The following CC2D1B variants were observed in gnomAD, a reference collection of about 807,000 sequenced individuals.
CC2D1B encodes the protein coiled-coil and C2 domain-containing protein 1B.
Under a neutral mutation model 110.8 loss-of-function variants are expected in CC2D1B, and 92 were observed. That is an observed-to-expected ratio of 0.83 (90% CI 0.70 to 0.99). The LOEUF is 0.99. CC2D1B is among the 50% of genes least tolerant of loss of function. CC2D1B has a pLI of 0.00. For synonymous variants in CC2D1B, 406 were observed against 429.2 expected, an observed-to-expected ratio of 0.95 and a Z score of 0.67; for missense variants, 1,136 against 1,089.0, an observed-to-expected ratio of 1.04 and a Z score of -0.61.
rs577647487 is a variant in CC2D1B at position 52,352,231 on chromosome 1, C to T, written c.*994G>A. 1.3e-5 allele frequency: 2 copies of T among 152,146 alleles called. No individual in the cohort carries two copies. Among genetic ancestry groups the T allele is most frequent in the Admixed American group, 6.5e-5 (1 of 15,274 alleles). 9.4% of individuals were successfully genotyped at this position (152,146 alleles called of 1,614,324 possible). On this transcript the variant is annotated 3_prime_UTR_variant, in exon 25 of 25. Transcript: ENST00000284376. Reference sequence around the variant, plus strand: ...AATATTTCAGTTTTGAATATTAAATCTCTTACAACTACAAACCCCTTCATA... The same window carrying T: ...AATATTTCAGTTTTGAATATTAAATTTCTTACAACTACAAACCCCTTCATA...
At chr1:52,360,817 G>T in intron 5 of CC2D1B, 157 bp downstream of exon 5, 1 of 1,009,920 alleles carries the variant, frequency 9.9e-7, no homozygotes, top group Non-Finnish European at 1.5e-6. Context: ...GGCTGCCACG[G>T]AGGAGTTTCT....
At position 52,352,486 on chromosome 1, in the gene CC2D1B, T is replaced by G. The variant is rs1646546422; in HGVS notation, c.*739A>C. On this transcript the variant is annotated 3_prime_UTR_variant, in exon 25 of 25. Coordinates refer to ENST00000284376, the MANE Select transcript of CC2D1B (RefSeq NM_001330585.2). ...ATACTCTGTATAGTTGAGTATAAAA[T>G]CCCTACAATGAGTTAGACTTAGTTT... The G allele has an allele frequency of 6.6e-6, 1 of 152,562 alleles. No homozygotes were observed. The highest frequency in any genetic ancestry group is 2.4e-5 in the African/African-American group (1 of 41,438). The allele number at this position is 152,562 out of a possible 1,614,324, so 9.5% of individuals were successfully genotyped here.
intron 3 of CC2D1B, 131 bp from the exon 4 acceptor site, chr1:52,361,747 T>C: frequency 1.8e-6 from 2 of 1,139,640 alleles, no homozygotes; most frequent in Non-Finnish European, 2.5e-6. Flanking sequence ...CCTGGAAAAC[T>C]GCTCTTCCTT....
chr1:52,359,287 C>T lies in CC2D1B; in HGVS notation c.1089G>A (p.Val363=), dbSNP rs1646725782. The T allele has an allele frequency of 1.2e-6, 2 of 1,613,078 alleles. No individual in the cohort carries two copies. The highest frequency in any genetic ancestry group is 1.1e-5 in the South Asian group (1 of 90,930). ...GGACGTCAGGGGCCATCACTGGCTG[C>T]ACTCGCTCCACGGCTGGGGGAATGA... is the stretch of plus-strand genomic sequence containing the variant. ...PSVIPPAVER[V]QPVMAPDVPA... The change falls in exon 10 of 25, where the codon GTG becomes GTA. Residue 363 remains valine (V), a synonymous_variant. Coordinates refer to ENST00000284376, the MANE Select transcript of CC2D1B (RefSeq NM_001330585.2).
chr1:52,361,173 A>G lies in CC2D1B; in HGVS notation c.319-41T>C, dbSNP rs1166985643. On this transcript the variant is annotated intron_variant, in intron 4 of 24. Transcript: ENST00000284376. ...ACAGCCCAGGAGCTTGGGGGCCTCA[A>G]GACCATACCCACAACAGGACCTGAG... 3.1e-6 allele frequency: 5 copies of G among 1,611,490 alleles called. No homozygotes were observed. In the East Asian group the frequency reaches 8.9e-5, roughly 29 times the overall value.
intron 5 of CC2D1B, 26 bp downstream of exon 5, chr1:52,360,948 C>G: frequency 6.2e-7 from 1 of 1,612,892 alleles, no homozygotes; most frequent in South Asian, 1.1e-5. Context: ...GCATCAGAGG[C>G]ACAGGGGCCC....
intron 23 of CC2D1B, chr1:52,354,351 C>G (rs1366999664): frequency 1.2e-5 from 8 of 667,184 alleles, no homozygotes; most frequent in Non-Finnish European, 1.9e-5. Context: ...GAGGCAAGGT[C>G]GTATAGTCCT....
Position 52,360,980 on chromosome 1 carries a change from T to C in CC2D1B, c.471A>G (p.Ala157=). The C allele has an allele frequency of 6.2e-7, 1 of 1,614,078 alleles. No homozygotes were observed. Among genetic ancestry groups the C allele is most frequent in the African/African-American group, 1.3e-5 (1 of 75,030 alleles). ...GCCCTCCTCCAGAACCCACCTGAGC[T>C]GCTGGGGCTGAAGCTGTCAGGACGG... ...QTAVLTASAP[A]AQAGASQGLH... The change falls in exon 5 of 25, where the codon GCA becomes GCG. Residue 157 remains alanine, a synonymous_variant. Transcript: ENST00000284376.
At position 52,355,841 on chromosome 1, in the gene CC2D1B, G is replaced by C; in HGVS notation, c.2058C>G (p.Ile686Met). The change falls in exon 19 of 25, where the codon ATC becomes ATG. Residue 686 changes from isoleucine to methionine, a missense_variant. Physicochemically the swap from Ile to Met is conservative, Grantham distance 10 (BLOSUM62 1). Coordinates refer to ENST00000284376, the MANE Select transcript of CC2D1B (RefSeq NM_001330585.2). ...FELKTFQTVR[I>M]FSELNSTEMH... Reference sequence around the variant, plus strand: ...TTTCTGTGCTGTTGAGTTCTGAGAAGATCCTAGAGCCAAGCGGGAAGGAGA... The same window carrying C: ...TTTCTGTGCTGTTGAGTTCTGAGAACATCCTAGAGCCAAGCGGGAAGGAGA... The C allele has an allele frequency of 6.2e-7, 1 of 1,614,134 alleles. No homozygotes were observed. The highest frequency in any genetic ancestry group is 8.5e-7 in the Non-Finnish European group (1 of 1,179,986).
intron 4 of CC2D1B, 27 bp downstream of exon 4, chr1:52,361,486 C>T (rs1190206379): frequency 1.2e-6 from 2 of 1,613,304 alleles, no homozygotes; most frequent in Non-Finnish European, 1.7e-6. Context: ...GCCTCAGAGC[C>T]CTGGGATACC....
At chr1:52,358,171 G>T in intron 13 of CC2D1B, 160 bp downstream of exon 13, 1 of 1,049,560 alleles carries the variant, frequency 9.5e-7, no homozygotes, top group Non-Finnish European at 1.3e-6. Context: ...TCCTAGTTCT[G>T]CTATTTCCTA....
Position 52,356,319 on chromosome 1 carries a change from T to C in CC2D1B, c.1938-17A>G. The C allele has an allele frequency of 6.2e-7, 1 of 1,614,090 alleles. No individual in the cohort carries two copies. ...TTCTCAAATCTGACAGGGATGGGTA[T>C]GTCAGCATGATGGTGGATTTTCTGC... is the stretch of plus-strand genomic sequence containing the variant. On this transcript the variant is annotated splice_polypyrimidine_tract_variant and intron_variant, in intron 17 of 24. Coordinates refer to ENST00000284376, the MANE Select transcript of CC2D1B (RefSeq NM_001330585.2).
intron 13 of CC2D1B, 151 bp from the exon 14 acceptor site, chr1:52,358,049 G>C: frequency 1.6e-6 from 2 of 1,217,334 alleles, no homozygotes; most frequent in Non-Finnish European, 2.2e-6. Context: ...AAAGATCTGA[G>C]AGCTAGAAGC....
intron 18 of CC2D1B, 84 bp from the exon 19 acceptor site, chr1:52,355,928 C>T (rs1569835045): frequency 2.1e-6 from 3 of 1,410,544 alleles, no homozygotes; most frequent in Non-Finnish European, 3.0e-6. Flanking sequence ...CCTGTCTGCC[C>T]AGCTGGGTGG....
At chr1:52,355,507 A>G in intron 20 of CC2D1B, 58 bp from the exon 21 acceptor site, 1 of 1,608,048 alleles carries the variant, frequency 6.2e-7, no homozygotes, top group South Asian at 1.1e-5. Context: ...CACACAGGGC[A>G]GGCACTGCAG....
intron 16 of CC2D1B, 28 bp downstream of exon 16, chr1:52,356,973 G>A (rs1022123565): frequency 6.5e-7 from 1 of 1,546,734 alleles, no homozygotes; most frequent in East Asian, 2.4e-5. Context: ...GGGCACAGAG[G>A]GGAGGAACAG....
At chr1:52,354,097 A>G (rs539047817) in intron 23 of CC2D1B, among the ~76,000 whole-genome samples, 241 of 152,316 alleles carry the variant, frequency 1.6e-3, no homozygotes, top group African/African-American at 4.9e-3. Flanking sequence ...GAGGCAGTCA[A>G]TTAGGGCACA....
At chr1:52,364,124 A>G (rs1312639797) in intron 2 of CC2D1B, among the ~76,000 whole-genome samples, 1 of 152,218 alleles carries the variant, frequency 6.6e-6, no homozygotes, top group African/African-American at 2.4e-5. Flanking sequence ...GACAGTAAAA[A>G]TGGACTAAGA....
chr1:52,354,006 A>T (rs1343769931), intron 23 of CC2D1B: 1 of 283,688 alleles, frequency 3.5e-6, no homozygotes, highest in Non-Finnish European at 6.8e-6. Context: ...AGATGACTCT[A>T]TGTGGCAGAG....
Sources: allele counts gnomAD v4.1 joint callset (sites outside exome capture counted in the v4.1 genomes callset), GRCh38; gene constraint gnomAD v4.1.1; transcripts MANE v1.5; gene names NCBI Gene and HGNC (gene_info 2026-07-23, HGNC 2026-07-21).